ATRNL1: variants seen among roughly 807,000 people sequenced by gnomAD.
ATRNL1 encodes attractin like 1, also known as attractin-like protein 1.
A neutral mutation model predicts 182.7 loss-of-function variants in ATRNL1; 95 were observed. The ratio of observed to expected loss-of-function variants is 0.52; its 90% CI spans 0.44 to 0.62. The LOEUF is 0.62. Ranked by LOEUF, ATRNL1 falls within the 20% of genes least tolerant of loss-of-function variation. ATRNL1 has a pLI of 0.00. For missense variants in ATRNL1, 1,471 were observed against 1,679.5 expected (o/e 0.88, Z 2.17); for synonymous variants, 576 against 568.3 (o/e 1.01, Z -0.19).
At chr10:115,174,785 G>A (rs1020913671) in intron 8 of ATRNL1, among the ~76,000 whole-genome samples, 1 of 151,914 alleles carries the variant, frequency 6.6e-6, no homozygotes, top group Non-Finnish European at 1.5e-5. Context: ...GCCTACACTT[G>A]CTCTTAAGAG....
At chr10:115,253,608 T>G (rs963496040) in intron 10 of ATRNL1, among the ~76,000 whole-genome samples, 3 of 152,146 alleles carry the variant, frequency 2.0e-5, no homozygotes, top group Non-Finnish European at 4.4e-5. Context: ...TTTTTTTTAT[T>G]ATTATTATGC....
intron 26 of ATRNL1, among the ~76,000 whole-genome samples, chr10:115,621,838 C>G (rs1201500230): frequency 6.6e-6 from 1 of 152,114 alleles, no homozygotes; most frequent in Non-Finnish European, 1.5e-5. Context: ...ATAGAAAGGA[C>G]TTGTGTTAAA....
At chr10:115,375,291 CT>C (rs782323511) in intron 19 of ATRNL1, among the ~76,000 whole-genome samples, 11 of 151,920 alleles carry the variant, frequency 7.2e-5, no homozygotes, top group South Asian at 2.1e-4. Context: ...ATAGCCACCC[CT>C]GATCTCATTT....
intron 28 of ATRNL1, among the ~76,000 whole-genome samples, chr10:115,904,359 C>A (rs1426504990): frequency 6.6e-6 from 1 of 152,164 alleles, no homozygotes; most frequent in Non-Finnish European, 1.5e-5. Context: ...TTTTAGGCCA[C>A]CACTCTCAGC....
chr10:115,912,407 T>A (rs535114300), intron 28 of ATRNL1, among the ~76,000 whole-genome samples: 226 of 74,886 alleles, frequency 3.0e-3, no homozygotes, highest in African/African-American at 0.012. Context: ...TACATATATA[T>A]ATATATATTT....
At chr10:115,266,393 T>C (rs921267523) in intron 11 of ATRNL1, among the ~76,000 whole-genome samples, 8 of 151,700 alleles carry the variant, frequency 5.3e-5, no homozygotes, top group African/African-American at 1.7e-4. Context: ...GTGTGTCTTG[T>C]CCATGTATAG....
intron 8 of ATRNL1, among the ~76,000 whole-genome samples, chr10:115,181,680 A>G (rs2144162675): frequency 6.6e-6 from 1 of 151,890 alleles, no homozygotes; most frequent in East Asian, 1.9e-4. Context: ...AATTAACAAT[A>G]AAACAGAAGT....
chr10:115,181,215 A>C (rs1424337606), intron 8 of ATRNL1, among the ~76,000 whole-genome samples: 1 of 151,886 alleles, frequency 6.6e-6, no homozygotes, highest in Non-Finnish European at 1.5e-5. Context: ...TGCAAATGTT[A>C]CATGTTTTGT....
At chr10:115,328,531 C>A (rs546679891) in intron 18 of ATRNL1, among the ~76,000 whole-genome samples, 1 of 152,010 alleles carries the variant, frequency 6.6e-6, no homozygotes, top group South Asian at 2.1e-4. Context: ...ATAGGTATTC[C>A]TCCTATGTGT....
At chr10:115,904,976 G>T (rs1565475067) in intron 28 of ATRNL1, among the ~76,000 whole-genome samples, 1 of 152,170 alleles carries the variant, frequency 6.6e-6, no homozygotes, top group Non-Finnish European at 1.5e-5. Context: ...TCAGCCTGGA[G>T]TTTCTATCAC....
intron 8 of ATRNL1, among the ~76,000 whole-genome samples, chr10:115,183,901 C>T (rs548798452): frequency 2.0e-5 from 3 of 151,338 alleles, no homozygotes; most frequent in South Asian, 2.1e-4. Flanking sequence ...AACCTTTCCC[C>T]GTTAAATATC....
At chr10:115,689,061 T>C (rs1290988348) in intron 26 of ATRNL1, among the ~76,000 whole-genome samples, 1 of 152,180 alleles carries the variant, frequency 6.6e-6, no homozygotes, top group Non-Finnish European at 1.5e-5. Flanking sequence ...GAGAGTATGC[T>C]TTCCCTAGTG....
intron 26 of ATRNL1, among the ~76,000 whole-genome samples, chr10:115,575,075 G>T: frequency 6.6e-6 from 1 of 151,994 alleles, no homozygotes; most frequent in East Asian, 1.9e-4. Context: ...TAAACTCATT[G>T]TTATAGTGGA....
intron 1 of ATRNL1, among the ~76,000 whole-genome samples, chr10:115,112,068 C>CCA (rs1201759962): frequency 6.7e-6 from 1 of 149,944 alleles, no homozygotes; most frequent in Non-Finnish European, 1.5e-5. Context: ...AAAAAAAACC[C>CCA]AAAAAAAAAC....
intron 26 of ATRNL1, among the ~76,000 whole-genome samples, chr10:115,708,169 G>T (rs1344311613): frequency 6.6e-6 from 1 of 151,564 alleles, no homozygotes; most frequent in Non-Finnish European, 1.5e-5. Context: ...AGGTGGAAGG[G>T]ATTACAGAAT....
At chr10:115,628,257 A>T (rs1336083471) in intron 26 of ATRNL1, among the ~76,000 whole-genome samples, 1 of 151,884 alleles carries the variant, frequency 6.6e-6, no homozygotes, top group African/African-American at 2.4e-5. Context: ...CTTATTTTTG[A>T]TTTTTAAAAT....
chr10:115,268,561 A>C, intron 13 of ATRNL1, 117 bp downstream of exon 13: 1 of 720,472 alleles, frequency 1.4e-6, no homozygotes, highest in Non-Finnish European at 2.5e-6. Context: ...AGACATTTAG[A>C]AAGTATATAG....
At chr10:115,463,420 A>G (rs1403687709) in intron 22 of ATRNL1, among the ~76,000 whole-genome samples, 1 of 152,128 alleles carries the variant, frequency 6.6e-6, no homozygotes. Flanking sequence ...GTTTCTACAT[A>G]GATATATTAA....
intron 13 of ATRNL1, among the ~76,000 whole-genome samples, chr10:115,280,437 GA>G (rs1471800491): frequency 6.6e-6 from 1 of 152,174 alleles, no homozygotes; most frequent in Non-Finnish European, 1.5e-5. Flanking sequence ...GGTGACTAAG[GA>G]AAGAAGTCTT....
Sources: allele counts gnomAD v4.1 joint callset (sites outside exome capture counted in the v4.1 genomes callset), GRCh38; gene constraint gnomAD v4.1.1; transcripts MANE v1.5; gene names NCBI Gene and HGNC (gene_info 2026-07-23, HGNC 2026-07-21).